The following MAN1A1 variants were observed in gnomAD, a reference collection of about 807,000 sequenced individuals.
MAN1A1 encodes the protein mannosidase alpha class 1A member 1.
A neutral mutation model predicts 70.8 loss-of-function variants in MAN1A1; 29 were observed. That is an observed-to-expected ratio of 0.41 (90% CI 0.31 to 0.56). The LOEUF (loss-of-function observed/expected upper bound fraction) is 0.56, where lower values mean the gene tolerates loss of function less well. MAN1A1 is among the 20% of genes least tolerant of loss of function. MAN1A1 has a pLI of 0.29. For synonymous variants in MAN1A1, 349 were observed against 330.1 expected (o/e 1.06, Z -0.62); for missense variants, 747 against 841.3 (o/e 0.89, Z 1.39).
At chr6:119,313,926 A>G (rs1772779706) in intron 2 of MAN1A1, among the ~76,000 whole-genome samples, 1 of 137,254 alleles carries the variant, frequency 7.3e-6, no homozygotes, top group Non-Finnish European at 1.6e-5. Flanking sequence ...GCCCCTCACT[A>G]AAGCTATTTA....
intron 8 of MAN1A1, among the ~76,000 whole-genome samples, chr6:119,199,532 A>G (rs1261829583): frequency 6.6e-6 from 1 of 152,178 alleles, no homozygotes; most frequent in Non-Finnish European, 1.5e-5. Context: ...GGTATTTATT[A>G]GAATCACTAA....
At chr6:119,325,633 A>C (rs1269271083) in intron 2 of MAN1A1, among the ~76,000 whole-genome samples, 1 of 152,148 alleles carries the variant, frequency 6.6e-6, no homozygotes, top group Non-Finnish European at 1.5e-5. Flanking sequence ...CCCCAACGTG[A>C]CAGAACAATA....
Position 119,306,956 on chromosome 6 carries a change from C to A in MAN1A1, c.640G>T (p.Ala214Ser). The A allele has an allele frequency of 6.3e-7, 1 of 1,596,610 alleles. No homozygotes were observed. The highest frequency in any genetic ancestry group is 2.2e-5 in the East Asian group (1 of 44,748). ...GGTTTGAGTTCATTTAATCCCCAGG[C>A]ATAACCTTTATAATTATTCCAAGCA... ...KHAWNNYKGY[A>S]WGLNELKPIS... Residue 214 changes from alanine to serine, a missense_variant, in exon 3 of 13, where the codon GCC becomes TCC. By Grantham distance (99) the Ala-to-Ser change is moderately conservative. Transcript: ENST00000368468.
At chr6:119,190,099 G>A (rs753469887) in intron 9 of MAN1A1, among the ~76,000 whole-genome samples, 10 of 152,060 alleles carry the variant, frequency 6.6e-5, no homozygotes, top group East Asian at 5.8e-4. Flanking sequence ...ACACTGCTGC[G>A]CCAGCACATT....
chr6:119,240,776 G>C (rs1420519045), intron 6 of MAN1A1, among the ~76,000 whole-genome samples: 1 of 152,182 alleles, frequency 6.6e-6, no homozygotes, highest in African/African-American at 2.4e-5. Context: ...ATTAAGTGTT[G>C]CTATCCTGTT....
At chr6:119,299,469 A>G (rs1001740551) in intron 4 of MAN1A1, among the ~76,000 whole-genome samples, 3 of 152,168 alleles carry the variant, frequency 2.0e-5, no homozygotes, top group East Asian at 1.9e-4. Flanking sequence ...TTATGAATAC[A>G]TAACAGTTGT....
At chr6:119,198,161 G>T (rs1296354404) in intron 8 of MAN1A1, among the ~76,000 whole-genome samples, 4 of 152,200 alleles carry the variant, frequency 2.6e-5, no homozygotes, top group African/African-American at 9.7e-5. Context: ...GGCCAAGGTG[G>T]GCGGATCACC....
At chr6:119,304,576 T>C (rs987480071) in intron 3 of MAN1A1, among the ~76,000 whole-genome samples, 1 of 152,160 alleles carries the variant, frequency 6.6e-6, no homozygotes, top group Non-Finnish European at 1.5e-5. Flanking sequence ...TGGGAGATCA[T>C]GAATACTTAA....
intron 5 of MAN1A1, among the ~76,000 whole-genome samples, chr6:119,286,666 A>C (rs572705561): frequency 6.6e-6 from 1 of 152,124 alleles, no homozygotes; most frequent in African/African-American, 2.4e-5. Flanking sequence ...TTTTTCTTTG[A>C]AAGCTAGTTC....
intron 11 of MAN1A1, among the ~76,000 whole-genome samples, chr6:119,187,673 A>C (rs1012510): frequency 0.71 from 108,464 of 152,136 alleles, 40,988 homozygotes; most frequent in South Asian, 0.84. Flanking sequence ...GTAATTAAAG[A>C]ATTTGCTTGT....
intron 5 of MAN1A1, among the ~76,000 whole-genome samples, chr6:119,263,531 T>G (rs1250770223): frequency 1.3e-5 from 2 of 152,136 alleles, no homozygotes; most frequent in African/African-American, 2.4e-5. Flanking sequence ...GGGTGAGGAC[T>G]GAAAAGTTAC....
At chr6:119,206,985 G>C (rs751249492) in intron 6 of MAN1A1, among the ~76,000 whole-genome samples, 15 of 152,350 alleles carry the variant, frequency 9.8e-5, no homozygotes, top group South Asian at 4.1e-4. Context: ...TTGGGGATTA[G>C]AGCATGTGGT....
chr6:119,189,485 T>C (rs145660849), intron 10 of MAN1A1, among the ~76,000 whole-genome samples, 179 bp downstream of exon 10: 43 of 152,348 alleles, frequency 2.8e-4, no homozygotes, highest in East Asian at 2.7e-3. Context: ...TAAAGGTAGA[T>C]ATTTTTAGGA....
At chr6:119,204,637 C>T (rs966359544) in intron 7 of MAN1A1, 122 bp downstream of exon 7, 1 of 1,233,702 alleles carries the variant, frequency 8.1e-7, no homozygotes, top group Non-Finnish European at 1.1e-6. Context: ...TGCAAAACTT[C>T]AGAAAGAGCT....
chr6:119,323,874 G>T (rs1245040798), intron 2 of MAN1A1, among the ~76,000 whole-genome samples: 1 of 152,108 alleles, frequency 6.6e-6, no homozygotes, highest in Non-Finnish European at 1.5e-5. Context: ...GGGATGAGAC[G>T]GAGTGAAGAG....
intron 10 of MAN1A1, among the ~76,000 whole-genome samples, chr6:119,189,290 A>C (rs1205295132): frequency 1.4e-4 from 22 of 152,156 alleles, no homozygotes; most frequent in Admixed American, 1.4e-3. Context: ...TTTTATAAGA[A>C]GGGAGTGGGA....
At chr6:119,295,752 C>T (rs1337410927) in intron 4 of MAN1A1, among the ~76,000 whole-genome samples, 1 of 152,112 alleles carries the variant, frequency 6.6e-6, no homozygotes, top group Non-Finnish European at 1.5e-5. Context: ...TCTGTATCAG[C>T]TTTCTACTTA....
chr6:119,203,768 T>C lies in MAN1A1; in HGVS notation c.1116+991A>G, dbSNP rs181354751. On this transcript the variant is annotated intron_variant, in intron 7 of 12. Transcript: ENST00000368468. ...TGGAGAAGCACGTCTAGGCGTTAAG[T>C]CCGAGGCATTTTAAGTGGGACTTGT... 2.2e-3 allele frequency among the ~76,000 whole-genome samples: 335 copies of C among 152,192 alleles called. 2 individuals are homozygous for C. The highest frequency in any genetic ancestry group is 7.9e-3 in the African/African-American group (327 of 41,538).
At chr6:119,192,220 C>T (rs1444235131) in intron 9 of MAN1A1, among the ~76,000 whole-genome samples, 2 of 152,002 alleles carry the variant, frequency 1.3e-5, no homozygotes, top group Admixed American at 6.6e-5. Flanking sequence ...AAATGTCTGC[C>T]AGTATGGTAA....
Sources: gnomAD v4.1 joint callset for allele counts (sites outside exome capture counted in the v4.1 genomes callset) on GRCh38, gnomAD v4.1.1 for gene constraint, MANE v1.5 for transcripts, NCBI Gene and HGNC (gene_info 2026-07-23, HGNC 2026-07-21) for gene names.